ANK2: variants seen among roughly 807,000 people sequenced by gnomAD.
ANK2 encodes the protein ankyrin 2.
In ANK2, 83 loss-of-function variants were observed where a neutral mutation model predicts 360.5. The observed-to-expected ratio is 0.23, with a 90% CI of 0.19 to 0.28. The LOEUF (loss-of-function observed/expected upper bound fraction) is 0.28, where lower values mean the gene tolerates loss of function less well. Among genes scored for constraint, ANK2 ranks in the 10% least tolerant of loss-of-function variants. The pLI, the probability that ANK2 is intolerant of heterozygous loss-of-function variation, is 1.00. For synonymous variants in ANK2, 1,740 were observed against 1,759.5 expected, an observed-to-expected ratio of 0.99 and a Z score of 0.28; for missense variants, 4,201 against 4,795.7, an observed-to-expected ratio of 0.88 and a Z score of 3.66.
At chr4:113,054,557 T>C (rs1259445638) in intron 1 of ANK2, among the ~76,000 whole-genome samples, 1 of 152,226 alleles carries the variant, frequency 6.6e-6, no homozygotes, top group Non-Finnish European at 1.5e-5. Context: ...TCAATTAATT[T>C]TGAATTTAAA....
chr4:113,279,075 C>G (rs1019968001), intron 17 of ANK2, among the ~76,000 whole-genome samples: 3 of 151,944 alleles, frequency 2.0e-5, no homozygotes, highest in Non-Finnish European at 2.9e-5. Flanking sequence ...TATCTAGCAC[C>G]AAATTCCGAA....
intron 1 of ANK2, among the ~76,000 whole-genome samples, chr4:113,136,924 A>G (rs1399603638): frequency 6.6e-6 from 1 of 151,836 alleles, no homozygotes; most frequent in East Asian, 1.9e-4. Context: ...GGCCTAGCTA[A>G]TTTTTGTATT....
At chr4:112,713,542 C>T in the ANK2 span, among the ~76,000 whole-genome samples, 18 of 152,010 alleles carry the variant, frequency 1.2e-4, no homozygotes, top group African/African-American at 4.3e-4. Flanking sequence ...GCACTTTAGC[C>T]TGGGCAATAA....
intron 1 of ANK2, among the ~76,000 whole-genome samples, chr4:113,091,825 G>T (rs756155385): frequency 6.6e-6 from 1 of 152,144 alleles, no homozygotes; most frequent in African/African-American, 2.4e-5. Context: ...GCTTTTAATC[G>T]CTTGGCTCCA....
chr4:113,376,765 A>C (rs569750394), intron 45 of ANK2, among the ~76,000 whole-genome samples: 4 of 146,388 alleles, frequency 2.7e-5, no homozygotes, highest in African/African-American at 1.0e-4. Flanking sequence ...TTCTGCTTTT[A>C]ATTTTTTAAA....
rs2098893067 is a variant in ANK2, at chr4:113,203,713, C to T, written c.384+4604C>T. ...CTCTAGTGTGTTGTGTACATTATCT[C>T]TTTTGATATTCCTTTACTTTATCAT... On this transcript the variant is annotated intron_variant, in intron 4 of 45. Coordinates refer to ENST00000357077, the MANE Select transcript of ANK2 (RefSeq NM_001148.6). Among the ~76,000 whole-genome samples the T allele has an allele frequency of 2.0e-5, 3 of 152,102 alleles. No individual in the cohort carries two copies. The South Asian group carries it at 6.2e-4, about 31-fold the overall frequency.
intron 1 of ANK2, chr4:112,904,358 C>G: frequency 1.4e-6 from 1 of 697,774 alleles, no homozygotes; most frequent in Non-Finnish European, 2.2e-6. Context: ...TCAGTGCCTC[C>G]TATAAGCTTA....
rs769841099 is a variant in ANK2, at chr4:113,381,599, C to T, written c.*128C>T. On this transcript the variant is annotated 3_prime_UTR_variant, in exon 46 of 46. Transcript: ENST00000357077. The stretch of plus-strand genomic sequence containing the variant: ...CCAGCGCGATCTCCAGCAGCTCCTT[C>T]GGCATTTCTGCAAGGAGGACTTGAA... 47 of 1,579,014 alleles carry T rather than the reference C, an allele frequency of 3.0e-5. No individual in the cohort carries two copies. Among genetic ancestry groups the T allele is most frequent in the Non-Finnish European group, 3.8e-5 (44 of 1,160,020 alleles).
intron 1 of ANK2, among the ~76,000 whole-genome samples, chr4:113,061,624 G>C (rs1286480974): frequency 9.9e-5 from 15 of 151,934 alleles, no homozygotes; most frequent in Non-Finnish European, 2.9e-5. Flanking sequence ...TGAGGCTCTT[G>C]GAAATGGCTT....
chr4:113,347,513 T>A (rs569686587), intron 35 of ANK2, among the ~76,000 whole-genome samples: 10 of 152,310 alleles, frequency 6.6e-5, no homozygotes, highest in African/African-American at 2.2e-4. Context: ...GCTTTCAGTG[T>A]GCTCTAAGAG....
intron 36 of ANK2, among the ~76,000 whole-genome samples, chr4:113,348,630 C>T (rs1160362601): frequency 6.6e-6 from 1 of 152,046 alleles, no homozygotes; most frequent in Non-Finnish European, 1.5e-5. Flanking sequence ...TGTACTAAGA[C>T]ATTATTAATG....
intron 2 of ANK2, among the ~76,000 whole-genome samples, chr4:112,996,296 G>A (rs1283300655): frequency 1.3e-5 from 2 of 152,120 alleles, no homozygotes; most frequent in African/African-American, 4.8e-5. Flanking sequence ...GTCTACAAAC[G>A]AGCATGGGGA....
In ANK2 at chr4:113,278,668, C is replaced by T. The variant is rs553704385; in HGVS notation, c.1881+110C>T. 6.4e-5 allele frequency: 69 copies of T among 1,073,140 alleles called. 2 individuals are homozygous for T. The South Asian group carries it at 8.2e-4, about 13-fold the overall frequency. 66.5% of individuals were successfully genotyped at this position (1,073,140 alleles called of 1,614,324 possible). On this transcript the variant is annotated intron_variant, in intron 17 of 45. Coordinates refer to ENST00000357077, the MANE Select transcript of ANK2 (RefSeq NM_001148.6). ...ATAGTATAACTGCGACTAGTCCTAG[C>T]GATAGTAGCTTTTGGTATTGACACC...
intron 1 of ANK2, among the ~76,000 whole-genome samples, chr4:112,885,005 G>A (rs1015281834): frequency 2.6e-5 from 4 of 151,984 alleles, no homozygotes; most frequent in South Asian, 2.1e-4. Flanking sequence ...TCAGCATAGC[G>A]CTGGGCACAT....
At chr4:113,077,434 A>G (rs538806100) in intron 1 of ANK2, among the ~76,000 whole-genome samples, 1 of 152,246 alleles carries the variant, frequency 6.6e-6, no homozygotes, top group African/African-American at 2.4e-5. Context: ...TTTTATAATT[A>G]GGTAAAAAAA....
the ANK2 span, chr4:112,706,742 A>G: frequency 6.6e-6 from 1 of 152,260 alleles, no homozygotes; most frequent in Non-Finnish European, 1.5e-5. Flanking sequence ...GCTTCACCCA[A>G]CAACTGCAGC....
Position 113,183,195 on chromosome 4 carries a change from A to T in ANK2, c.186+8678A>T, listed in dbSNP as rs370386035. On this transcript the variant is annotated intron_variant, in intron 2 of 45. Transcript: ENST00000357077. ...TTTCAGCGAAATATGATTCTAGGTT[A>T]TCAGCTGAGAGTAAAGATAGGAGAG... Among the ~76,000 whole-genome samples, 34 of 152,026 alleles carry T rather than the reference A, an allele frequency of 2.2e-4. 1 individual carries two copies. Among genetic ancestry groups the T allele is most frequent in the African/African-American group, 7.0e-4 (29 of 41,478 alleles).
At chr4:113,063,539 C>T (rs974791811) in intron 1 of ANK2, among the ~76,000 whole-genome samples, 9 of 151,892 alleles carry the variant, frequency 5.9e-5, no homozygotes, top group African/African-American at 1.9e-4. Flanking sequence ...TGGTAGAAGA[C>T]GGAAGACCAA....
chr4:113,222,203 A>C (rs1197086271), intron 4 of ANK2, among the ~76,000 whole-genome samples: 3 of 152,168 alleles, frequency 2.0e-5, no homozygotes, highest in African/African-American at 7.2e-5. Flanking sequence ...TACCCACTGG[A>C]AATAAAAACT....
Sources: gnomAD v4.1 joint callset for allele counts (sites outside exome capture counted in the v4.1 genomes callset) on GRCh38, gnomAD v4.1.1 for gene constraint, MANE v1.5 for transcripts, NCBI Gene and HGNC (gene_info 2026-07-23, HGNC 2026-07-21) for gene names.